The following TIAM1 variants were observed in gnomAD, a reference collection of about 807,000 sequenced individuals.
TIAM1 encodes the protein TIAM Rac1 associated GEF 1.
TIAM1 carries 65 observed loss-of-function variants against 163.5 expected under a neutral mutation model. The observed-to-expected ratio is 0.40, with a 90% confidence interval of 0.33 to 0.49. The LOEUF (loss-of-function observed/expected upper bound fraction) is 0.49, where lower values mean the gene tolerates loss of function less well. Ranked by LOEUF, TIAM1 falls within the 20% of genes least tolerant of loss-of-function variation. TIAM1 has a pLI of 0.77. For missense variants in TIAM1, 1,789 were observed against 2,044.7 expected, an observed-to-expected ratio of 0.87 and a Z score of 2.41; for synonymous variants, 833 against 810.1, an observed-to-expected ratio of 1.03 and a Z score of -0.48.
intron 25 of TIAM1, among the ~76,000 whole-genome samples, chr21:31,127,945 C>A (rs2082272342): frequency 6.6e-6 from 1 of 152,138 alleles, no homozygotes; most frequent in South Asian, 2.1e-4. Flanking sequence ...CCCCAGCCTA[C>A]CCCTGGAGTC....
rs918311057 is a variant in TIAM1, at chr21:31,482,609, C to T, written c.-421-18574G>A. 1.4e-4 allele frequency among the ~76,000 whole-genome samples: 21 copies of T among 152,130 alleles called. 1 individual carries two copies. In the South Asian group the frequency reaches 1.7e-3, roughly 12 times the overall value. On this transcript the variant is annotated intron_variant, in intron 1 of 28. Coordinates refer to the TIAM1 transcript ENST00000286827. ...TTTTGTTTCTGTCTAGTGATGGCTTCTGGTGGGAGGTGGGAGGAGAGAGCG... is the reference window on the plus strand; with the variant it reads ...TTTTGTTTCTGTCTAGTGATGGCTTTTGGTGGGAGGTGGGAGGAGAGAGCG...
intron 10 of TIAM1, among the ~76,000 whole-genome samples, chr21:31,210,721 GAAAGAAAGA>G (rs2086798786): frequency 4.9e-5 from 5 of 102,152 alleles, no homozygotes; most frequent in African/African-American, 2.6e-4. Context: ...GAAAGAGAAA[GAAAGAAAGA>G]GAAAGAAGGA....
At chr21:31,294,954 G>A (rs1043559939) in intron 2 of TIAM1, among the ~76,000 whole-genome samples, 2 of 152,210 alleles carry the variant, frequency 1.3e-5, no homozygotes, top group African/African-American at 2.4e-5. Context: ...CCTGCCATCT[G>A]CGCTGCGCCA....
chr21:31,407,077 G>A (rs2077260239), intron 2 of TIAM1, among the ~76,000 whole-genome samples: 1 of 152,178 alleles, frequency 6.6e-6, no homozygotes, highest in Admixed American at 6.5e-5. Context: ...AGGAGGCAGA[G>A]CTCCGTGCCA....
rs148697344 is a variant in TIAM1, at chr21:31,323,107, G to C, written c.-189+16136C>G. Among the ~76,000 whole-genome samples the C allele has an allele frequency of 1.7e-3, 257 of 151,754 alleles. 1 individual carries two copies. Among genetic ancestry groups the C allele is most frequent in the African/African-American group, 5.9e-3 (246 of 41,386 alleles). ...GATCGAGACCATCCTGGCCAACATG[G>C]TGAAACCCTGTCTCTACTAAAAATA... is the stretch of plus-strand genomic sequence containing the variant. On this transcript the variant is annotated intron_variant, in intron 2 of 27. Coordinates refer to ENST00000541036, the MANE Select transcript of TIAM1 (RefSeq NM_001353694.2).
At position 31,210,171 on chromosome 21, in the gene TIAM1, A is replaced by G. The variant is rs1418050287; in HGVS notation, c.2262T>C (p.Pro754=). 1 of 1,614,170 alleles carries G rather than the reference A, an allele frequency of 6.2e-7. No homozygotes were observed. Among genetic ancestry groups the G allele is most frequent in the Non-Finnish European group, 8.5e-7 (1 of 1,180,032 alleles). Residue 754 remains proline (P), a synonymous_variant, in exon 11 of 28, where the codon CCT becomes CCC. Coordinates refer to ENST00000541036, the MANE Select transcript of TIAM1 (RefSeq NM_001353694.2). Reference sequence around the variant, plus strand: ...ACTCGTGGACCCAAATGTCGCAGTCAGGGTTGTGCTGGTGAACGTTAGGTA... The same window carrying G: ...ACTCGTGGACCCAAATGTCGCAGTCGGGGTTGTGCTGGTGAACGTTAGGTA... The part of the protein sequence containing the change: ...VVLPNVHQHN[P]DCDIWVHEYF...
chr21:31,193,158 G>A (rs1049512401), intron 13 of TIAM1, among the ~76,000 whole-genome samples: 1 of 152,230 alleles, frequency 6.6e-6, no homozygotes, highest in African/African-American at 2.4e-5. Context: ...AACTCCGCCA[G>A]AATGTAGACA....
At position 31,276,807 on chromosome 21, in the gene TIAM1, G is replaced by T. The variant is rs2073319421; in HGVS notation, c.-87C>A. 2 of 152,324 alleles carry T rather than the reference G, an allele frequency of 1.3e-5. No individual in the cohort carries two copies. The highest frequency in any genetic ancestry group is 1.5e-5 in the Non-Finnish European group (1 of 68,030). 9.4% of individuals were successfully genotyped at this position (152,324 alleles called of 1,614,324 possible). A position where few individuals can be genotyped will look rare whatever the true frequency, so the allele number is the denominator to read the frequency against. The stretch of plus-strand genomic sequence containing the variant: ...GCATTTAGATATTGAGGTTGGAAAT[G>T]ATGTCCGGATGAACAGCCACAGGGC... On this transcript the variant is annotated 5_prime_UTR_variant, in exon 3 of 28. Coordinates refer to ENST00000541036, the MANE Select transcript of TIAM1 (RefSeq NM_001353694.2).
intron 2 of TIAM1, among the ~76,000 whole-genome samples, chr21:31,406,823 A>G (rs180872712): frequency 2.1e-4 from 32 of 152,312 alleles, no homozygotes; most frequent in African/African-American, 7.2e-4. Context: ...AAAAAAATCA[A>G]CAAACTCCCA....
chr21:31,424,988 G>T (rs1158817644), intron 2 of TIAM1, among the ~76,000 whole-genome samples: 2 of 151,762 alleles, frequency 1.3e-5, no homozygotes, highest in Non-Finnish European at 2.9e-5. Flanking sequence ...GGGAGGCAGA[G>T]GTTGCAGTGA....
intron 2 of TIAM1, among the ~76,000 whole-genome samples, chr21:31,277,589 G>A (rs544236691): frequency 3.9e-5 from 6 of 152,166 alleles, no homozygotes; most frequent in African/African-American, 1.4e-4. Context: ...AGGTTGCAGT[G>A]AGCCAAGATC....
At chr21:31,222,701 ATATATATTTTTTTTT>A (rs1194851001) in intron 8 of TIAM1, among the ~76,000 whole-genome samples, 170 of 46,336 alleles carry the variant, frequency 3.7e-3, no homozygotes, top group Middle Eastern at 0.016. Context: ...ATATATATAT[ATATATATTTTTTTTT>A]TTTTTTTTTT....
At chr21:31,551,625 C>A (rs771447942) in intron 1 of TIAM1, among the ~76,000 whole-genome samples, 10 of 151,712 alleles carry the variant, frequency 6.6e-5, no homozygotes, top group Non-Finnish European at 1.5e-4. Context: ...CACCTGTAGT[C>A]CCAGCTACTC....
At chr21:31,381,854 A>G (rs1337002515) in intron 2 of TIAM1, among the ~76,000 whole-genome samples, 1 of 152,136 alleles carries the variant, frequency 6.6e-6, no homozygotes, top group African/African-American at 2.4e-5. Flanking sequence ...CAAAAAGAAC[A>G]GACACTAGAG....
intron 2 of TIAM1, among the ~76,000 whole-genome samples, chr21:31,407,945 A>G (rs2077277077): frequency 6.6e-6 from 1 of 152,174 alleles, no homozygotes; most frequent in Non-Finnish European, 1.5e-5. Flanking sequence ...GCCTAAATCA[A>G]TCCTTTTAAG....
intron 2 of TIAM1, among the ~76,000 whole-genome samples, chr21:31,295,532 AT>A (rs1312378014): frequency 6.6e-6 from 1 of 151,442 alleles, no homozygotes; most frequent in African/African-American, 2.4e-5. Context: ...AAGACATGAG[AT>A]GGGGACCCCA....
chr21:31,158,010 T>C (rs2083712540), intron 16 of TIAM1, among the ~76,000 whole-genome samples: 1 of 152,122 alleles, frequency 6.6e-6, no homozygotes, highest in Admixed American at 6.5e-5. Context: ...TACCTCTGGG[T>C]TTTCATTCCA....
chr21:31,462,467 T>A (rs35121223), intron 2 of TIAM1, among the ~76,000 whole-genome samples: 1 of 152,178 alleles, frequency 6.6e-6, no homozygotes, highest in Non-Finnish European at 1.5e-5. Context: ...AGTATTCTTG[T>A]AAGACAAAAA....
intron 3 of TIAM1, among the ~76,000 whole-genome samples, chr21:31,272,075 A>G (rs758387595): frequency 6.6e-6 from 1 of 152,192 alleles, no homozygotes; most frequent in Non-Finnish European, 1.5e-5. Context: ...TAACCTACCA[A>G]ACATCATAGC....
Sources: allele counts gnomAD v4.1 joint callset (sites outside exome capture counted in the v4.1 genomes callset), GRCh38; gene constraint gnomAD v4.1.1; transcripts MANE v1.5; gene names NCBI Gene and HGNC (gene_info 2026-07-23, HGNC 2026-07-21).